The following GALNT1 variants were observed in gnomAD, a reference collection of about 807,000 sequenced individuals.
GALNT1 encodes the protein GalNAc transferase 1.
A neutral mutation model predicts 65.7 loss-of-function variants in GALNT1; 17 were observed. The observed-to-expected ratio is 0.26, with a 90% confidence interval of 0.18 to 0.39. The LOEUF is 0.39. GALNT1 is among the 10% of genes least tolerant of loss of function. GALNT1 has a pLI of 1.00. For synonymous variants in GALNT1, 210 were observed against 219.7 expected (o/e 0.96, Z 0.39); for missense variants, 460 against 672.8 (o/e 0.68, Z 3.50).
chr18:35,602,275 C>T (rs2046591570), intron 1 of GALNT1, among the ~76,000 whole-genome samples: 1 of 152,074 alleles, frequency 6.6e-6, no homozygotes. Flanking sequence ...CTTCTTTTTT[C>T]TTGCTGCTTT....
intron 3 of GALNT1, among the ~76,000 whole-genome samples, chr18:35,665,756 C>T (rs1233594394): frequency 6.6e-6 from 1 of 152,092 alleles, no homozygotes; most frequent in Non-Finnish European, 1.5e-5. Flanking sequence ...GCCAAACTTG[C>T]AATAAAGTGC....
At chr18:35,667,282 C>G (rs779846088) in intron 3 of GALNT1, among the ~76,000 whole-genome samples, 2 of 152,152 alleles carry the variant, frequency 1.3e-5, no homozygotes, top group Non-Finnish European at 2.9e-5. Flanking sequence ...ATCATTTGCT[C>G]TGGGATAAGC....
At chr18:35,683,359 G>A (rs1568031783) in intron 4 of GALNT1, 32 bp from the exon 5 acceptor site, 3 of 1,561,370 alleles carry the variant, frequency 1.9e-6, no homozygotes, top group Non-Finnish European at 2.6e-6. Flanking sequence ...AGGCCACACT[G>A]GTTTGCATGT....
chr18:35,688,321 A>G lies in GALNT1; in HGVS notation c.861-852A>G, dbSNP rs995705158. Among the ~76,000 whole-genome samples the G allele has an allele frequency of 3.5e-4, 54 of 152,296 alleles. 1 individual carries two copies. The highest frequency in any genetic ancestry group is 1.3e-3 in the African/African-American group (52 of 41,576). ...AAACAACTGTTTCCTCTGGAAAGGC[A>G]ATGAGTACATTTTAGGGTTCATCTT... is the stretch of plus-strand genomic sequence containing the variant. On this transcript the variant is annotated intron_variant, in intron 6 of 11. Transcript: ENST00000269195.
chr18:35,605,153 T>C (rs1417897162), intron 1 of GALNT1, among the ~76,000 whole-genome samples: 1 of 152,138 alleles, frequency 6.6e-6, no homozygotes, highest in Non-Finnish European at 1.5e-5. Context: ...AGCCCCAAGA[T>C]GTTCTGTTTC....
At chr18:35,582,216 A>AT (rs2046331034) in intron 1 of GALNT1, among the ~76,000 whole-genome samples, 1 of 151,734 alleles carries the variant, frequency 6.6e-6, no homozygotes, top group Non-Finnish European at 1.5e-5. Context: ...TGCCAGCCTG[A>AT]CCCTCGCGGC....
chr18:35,709,831 T>C lies in GALNT1; in HGVS notation c.*61T>C. 1 of 1,581,028 alleles carries C rather than the reference T, an allele frequency of 6.3e-7. No homozygotes were observed. Among genetic ancestry groups the C allele is most frequent in the South Asian group, 1.1e-5 (1 of 88,676 alleles). ...TGACTGGGCTACCTCAGCATACATT[T>C]CTGCCACATTCTTAAGTAGCAAAAA... is the stretch of plus-strand genomic sequence containing the variant. On this transcript the variant is annotated 3_prime_UTR_variant, in exon 12 of 12. Transcript: ENST00000269195.
chr18:35,680,119 C>T (rs2047765517), intron 4 of GALNT1, among the ~76,000 whole-genome samples: 1 of 152,194 alleles, frequency 6.6e-6, no homozygotes, highest in Non-Finnish European at 1.5e-5. Context: ...CATACTTCTT[C>T]CCTCTGTCCA....
chr18:35,638,025 A>T (rs185840003), intron 1 of GALNT1, among the ~76,000 whole-genome samples: 1 of 152,350 alleles, frequency 6.6e-6, no homozygotes, highest in African/African-American at 2.4e-5. Flanking sequence ...CTGCTTAATA[A>T]AAAAGATTCC....
chr18:35,608,048 A>G (rs1010592888), intron 1 of GALNT1, among the ~76,000 whole-genome samples: 3 of 152,114 alleles, frequency 2.0e-5, no homozygotes, highest in Non-Finnish European at 2.9e-5. Context: ...CCTTGAATCT[A>G]TACAGCAGTT....
At chr18:35,630,547 T>C (rs978865994) in intron 1 of GALNT1, among the ~76,000 whole-genome samples, 4 of 152,102 alleles carry the variant, frequency 2.6e-5, no homozygotes, top group Non-Finnish European at 4.4e-5. Context: ...GGGACACATT[T>C]AAAGCAGTGT....
chr18:35,617,699 A>G (rs1193806963), intron 1 of GALNT1, among the ~76,000 whole-genome samples: 4 of 152,200 alleles, frequency 2.6e-5, no homozygotes, highest in Non-Finnish European at 5.9e-5. Context: ...CATTTTGAAT[A>G]TGACCACAAT....
intron 1 of GALNT1, among the ~76,000 whole-genome samples, chr18:35,603,777 C>G (rs2046610972): frequency 6.6e-6 from 1 of 152,142 alleles, no homozygotes; most frequent in East Asian, 1.9e-4. Context: ...TTGCCCTCCC[C>G]TGGAACTAAC....
rs1229425460 is a variant in GALNT1, at chr18:35,691,183, AT to A, written c.1153del (p.Ser385LeufsTer7). On this transcript the variant is annotated frameshift_variant, in exon 8 of 12. Coordinates refer to ENST00000269195, the MANE Select transcript of GALNT1 (RefSeq NM_020474.4). LOFTEE classifies it high-confidence loss of function. ...TGAATTCAAGAATTTCTTCTATATAATTTCTCCAGGTTAGCGTTGTTTTGCA... is the reference window on the plus strand; with the variant it reads ...TGAATTCAAGAATTTCTTCTATATAATTCTCCAGGTTAGCGTTGTTTTGCA... ...MDEFKNFFYI[I>X]SPGVTKVDYG... The A allele has an allele frequency of 6.2e-7, 1 of 1,602,818 alleles. No individual in the cohort carries two copies. Among genetic ancestry groups the A allele is most frequent in the South Asian group, 1.1e-5 (1 of 88,906 alleles).
intron 4 of GALNT1, among the ~76,000 whole-genome samples, chr18:35,682,898 G>A (rs1456404285): frequency 9.6e-6 from 1 of 103,792 alleles, no homozygotes; most frequent in Non-Finnish European, 1.8e-5. Flanking sequence ...CCCACTTTCT[G>A]CCCCCTGATT....
chr18:35,706,900 C>T (rs2048271991), intron 11 of GALNT1, among the ~76,000 whole-genome samples: 1 of 152,134 alleles, frequency 6.6e-6, no homozygotes, highest in African/African-American at 2.4e-5. Context: ...ATCATGAATT[C>T]TTAGATTTCA....
At chr18:35,656,694 G>T (rs2047392067) in intron 2 of GALNT1, among the ~76,000 whole-genome samples, 1 of 152,236 alleles carries the variant, frequency 6.6e-6, no homozygotes, top group Admixed American at 6.5e-5. Flanking sequence ...GTAGACAGCG[G>T]CATGGCGCTG....
chr18:35,626,745 A>C (rs2046922416), intron 1 of GALNT1, among the ~76,000 whole-genome samples: 1 of 152,168 alleles, frequency 6.6e-6, no homozygotes, highest in Admixed American at 6.5e-5. Context: ...TCAGCATGTC[A>C]TTGATGGCAT....
At chr18:35,581,631 AG>A (rs2046316311), upstream of GALNT1, 1 of 222 alleles carries the variant, frequency 4.5e-3, no homozygotes, top group Admixed American at 0.056. Context: ...CGAGCCCGCG[AG>A]CGGGGCGCCC....
Sources: gnomAD v4.1 joint callset for allele counts (sites outside exome capture counted in the v4.1 genomes callset) on GRCh38, gnomAD v4.1.1 for gene constraint, MANE v1.5 for transcripts, NCBI Gene and HGNC (gene_info 2026-07-23, HGNC 2026-07-21) for gene names.